The following ROBO2 variants were observed in gnomAD, a reference collection of about 807,000 sequenced individuals.
ROBO2 encodes roundabout guidance receptor 2, also known as roundabout homolog 2.
A neutral mutation model predicts 160.8 loss-of-function variants in ROBO2; 53 were observed. The observed-to-expected ratio is 0.33, with a 90% CI of 0.26 to 0.41. The LOEUF is 0.41. ROBO2 is among the 10% of genes least tolerant of loss of function. The probability of loss-of-function intolerance (pLI) is 1.00; values close to 1 mark genes in which losing one functional copy is unlikely to be tolerated. For synonymous variants in ROBO2, 664 were observed against 611.7 expected (o/e 1.09, Z -1.26); for missense variants, 1,577 against 1,722.4 (o/e 0.92, Z 1.49).
intron 2 of ROBO2, among the ~76,000 whole-genome samples, chr3:76,542,205 G>A (rs1185955759): frequency 6.6e-6 from 1 of 151,992 alleles, no homozygotes; most frequent in East Asian, 1.9e-4. Context: ...TTTTTTAAAA[G>A]TGAAGTAAAT....
intron 1 of ROBO2, among the ~76,000 whole-genome samples, chr3:77,093,165 AAGAG>A (rs2070549813): frequency 6.6e-6 from 1 of 152,144 alleles, no homozygotes; most frequent in African/African-American, 2.4e-5. Context: ...ATACCTGATG[AAGAG>A]AGGGGAATCT....
At chr3:76,117,178 G>C (rs1337143659) in intron 2 of ROBO2, among the ~76,000 whole-genome samples, 1 of 152,162 alleles carries the variant, frequency 6.6e-6, no homozygotes, top group Non-Finnish European at 1.5e-5. Context: ...CCACAGGTAA[G>C]ATGTGTTGTC....
chr3:77,590,216 C>T (rs1417881997), intron 17 of ROBO2, among the ~76,000 whole-genome samples: 1 of 152,116 alleles, frequency 6.6e-6, no homozygotes, highest in Non-Finnish European at 1.5e-5. Flanking sequence ...GAAAGTACTA[C>T]AGCATATCCA....
chr3:77,513,665 C>A (rs2089670692), intron 5 of ROBO2, among the ~76,000 whole-genome samples: 1 of 151,710 alleles, frequency 6.6e-6, no homozygotes, highest in African/African-American at 2.4e-5. Context: ...TGTTATTCAG[C>A]TGAACAGATG....
At chr3:77,384,601 G>C (rs1560687041) in intron 2 of ROBO2, among the ~76,000 whole-genome samples, 1 of 152,094 alleles carries the variant, frequency 6.6e-6, no homozygotes, top group South Asian at 2.1e-4. Context: ...TACCTTATTA[G>C]TCTATATGGC....
intron 2 of ROBO2, among the ~76,000 whole-genome samples, chr3:76,739,556 G>A (rs1157828455): frequency 6.6e-6 from 1 of 151,952 alleles, no homozygotes; most frequent in African/African-American, 2.4e-5. Flanking sequence ...CAGCACACCA[G>A]CATGGCACAT....
At chr3:76,435,638 G>A (rs780158948) in intron 2 of ROBO2, among the ~76,000 whole-genome samples, 1 of 152,156 alleles carries the variant, frequency 6.6e-6, no homozygotes. Flanking sequence ...GGAAGGTGCA[G>A]CTTTTCCATA....
intron 4 of ROBO2, among the ~76,000 whole-genome samples, chr3:77,485,559 C>T (rs2085251924): frequency 6.6e-6 from 1 of 152,038 alleles, no homozygotes; most frequent in Admixed American, 6.6e-5. Context: ...TGAGCAGTCT[C>T]AATCTGAAAA....
chr3:76,179,590 C>T (rs1344964755), intron 2 of ROBO2, among the ~76,000 whole-genome samples: 1 of 152,144 alleles, frequency 6.6e-6, no homozygotes, highest in African/African-American at 2.4e-5. Flanking sequence ...CTGTTCAGAA[C>T]ACTTCTGTGG....
intron 2 of ROBO2, among the ~76,000 whole-genome samples, chr3:76,410,216 G>A (rs1385998218): frequency 1.3e-5 from 2 of 152,042 alleles, no homozygotes; most frequent in Non-Finnish European, 2.9e-5. Context: ...TAGCATCTCA[G>A]CACACCAGTG....
intron 8 of ROBO2, among the ~76,000 whole-genome samples, chr3:77,552,773 C>A (rs1017222091): frequency 2.6e-5 from 4 of 152,014 alleles, no homozygotes; most frequent in African/African-American, 9.7e-5. Flanking sequence ...TAAATATGTA[C>A]ACACATGTTA....
rs114156391 is a variant in ROBO2, at chr3:76,046,857, A to G, written c.109+109255A>G. Among the ~76,000 whole-genome samples, 673 of 152,190 alleles carry G rather than the reference A, an allele frequency of 4.4e-3. 16 individuals are homozygous for G. Among genetic ancestry groups the G allele is most frequent in the African/African-American group, 0.015 (643 of 41,504 alleles). ...ACTGGTTACATTTCCTCCTTTGTGC[A>G]TGTTAATTGGAAAACTCAAAGTCAA... On this transcript the variant is annotated intron_variant, in intron 2 of 26. Coordinates refer to the ROBO2 transcript ENST00000487694.
intron 1 of ROBO2, among the ~76,000 whole-genome samples, chr3:77,094,884 G>A (rs1279915718): frequency 2.6e-5 from 4 of 151,858 alleles, no homozygotes; most frequent in African/African-American, 7.3e-5. Context: ...TTTAAAATTT[G>A]ATTATTTATA....
At chr3:77,252,824 AAAAAAAAAT>A (rs1442063647) in intron 2 of ROBO2, among the ~76,000 whole-genome samples, 3 of 86,028 alleles carry the variant, frequency 3.5e-5, no homozygotes, top group Non-Finnish European at 7.6e-5. Context: ...AAAAAAAAAA[AAAAAAAAAT>A]ATATATATAT....
At chr3:77,051,509 A>C (rs1286490662) in intron 1 of ROBO2, among the ~76,000 whole-genome samples, 1 of 152,164 alleles carries the variant, frequency 6.6e-6, no homozygotes, top group Non-Finnish European at 1.5e-5. Flanking sequence ...CATCACTTGG[A>C]TCTTATGAAA....
intron 2 of ROBO2, among the ~76,000 whole-genome samples, chr3:76,913,788 TGTGA>T (rs2076138317): frequency 6.6e-6 from 1 of 152,166 alleles, no homozygotes; most frequent in Non-Finnish European, 1.5e-5. Flanking sequence ...GATGAGTAAA[TGTGA>T]GTAATACTCC....
At position 76,558,712 on chromosome 3, in the gene ROBO2, CAAT is replaced by C. The variant is rs756096168; in HGVS notation, c.110-539299_110-539297del. Among the ~76,000 whole-genome samples, 33 of 152,010 alleles carry C rather than the reference CAAT, an allele frequency of 2.2e-4. 1 individual carries two copies. Among genetic ancestry groups the C allele is most frequent in the Non-Finnish European group, 4.1e-4 (28 of 67,926 alleles). On this transcript the variant is annotated intron_variant, in intron 2 of 26. Coordinates refer to the ROBO2 transcript ENST00000487694. ...CAAGTTTCTCACTAGTTTAGACAAA[CAAT>C]AACTGTAAGATGACTGTAAGGCATA... is the stretch of plus-strand genomic sequence containing the variant.
Position 77,277,615 on chromosome 3 carries a change from C to G in ROBO2, c.388+179275C>G, listed in dbSNP as rs1002041084. Among the ~76,000 whole-genome samples, 4 of 152,074 alleles carry G rather than the reference C, an allele frequency of 2.6e-5. No homozygotes were observed. In the East Asian group the frequency reaches 7.7e-4, roughly 29 times the overall value. ...AACAACTTCCAGCTCCATTTATGTC[C>G]CTGCAAAGGACATGATCTTGTTCCT... On this transcript the variant is annotated intron_variant, in intron 2 of 25. Coordinates refer to ENST00000461745, the Ensembl canonical transcript of ROBO2.
chr3:77,421,521 C>A (rs181393339), intron 2 of ROBO2, among the ~76,000 whole-genome samples: 2 of 151,964 alleles, frequency 1.3e-5, no homozygotes, highest in African/African-American at 4.8e-5. Flanking sequence ...GCTCATATAA[C>A]GCCATAGAAA....
Sources: allele counts gnomAD v4.1 joint callset (sites outside exome capture counted in the v4.1 genomes callset), GRCh38; gene constraint gnomAD v4.1.1; transcripts MANE v1.5; gene names NCBI Gene and HGNC (gene_info 2026-07-23, HGNC 2026-07-21).